The following NACC2 variants were observed in gnomAD, a reference collection of about 807,000 sequenced individuals.
NACC2 encodes the protein nucleus accumbens-associated protein 2.
In NACC2, 8 loss-of-function variants were observed where a neutral mutation model predicts 25.1. That is an observed-to-expected ratio of 0.32 (90% CI 0.19 to 0.57). NACC2 has a LOEUF of 0.57. Ranked by LOEUF, NACC2 falls within the 20% of genes least tolerant of loss-of-function variation. The pLI is 0.89. For synonymous variants in NACC2, 435 were observed against 294.7 expected (o/e 1.48, Z -4.88); for missense variants, 644 against 650.2 (o/e 0.99, Z 0.10).
At chr9:136,033,289 T>C (rs1840499757) in intron 2 of NACC2, among the ~76,000 whole-genome samples, 2 of 152,160 alleles carry the variant, frequency 1.3e-5, no homozygotes, top group African/African-American at 2.4e-5. Flanking sequence ...CCAATTTGTT[T>C]CTATATATTA....
At chr9:136,016,548 G>C in intron 2 of NACC2, 119 bp from the exon 3 acceptor site, 1 of 1,229,200 alleles carries the variant, frequency 8.1e-7, no homozygotes, top group Non-Finnish European at 1.1e-6. Context: ...GCCCACCTGG[G>C]CCCAGGTGAG....
Position 136,012,035 on chromosome 9 carries a change from G to GA in NACC2, c.1256-12_1256-11insT, listed in dbSNP as rs751891781. On this transcript the variant is annotated splice_polypyrimidine_tract_variant and intron_variant, in intron 5 of 5. Transcript: ENST00000277554. Reference sequence around the variant, plus strand: ...AGTTCTGACAGTACACTGTGAGGACGGGGCGGCGTGAGCTCAGCCACCTGC... The same window carrying GA: ...AGTTCTGACAGTACACTGTGAGGACGAGGGCGGCGTGAGCTCAGCCACCTGC... 1 of 1,527,068 alleles carries GA rather than the reference G, an allele frequency of 6.5e-7. No homozygotes were observed. Among genetic ancestry groups the GA allele is most frequent in the East Asian group, 2.4e-5 (1 of 41,034 alleles). The allele number at this position is 1,527,068 out of a possible 1,614,324, so 94.6% of individuals were successfully genotyped here. A position where few individuals can be genotyped will look rare whatever the true frequency, so the allele number is the denominator to read the frequency against.
intron 3 of NACC2, among the ~76,000 whole-genome samples, chr9:136,015,145 G>A (rs1008274411): frequency 1.3e-5 from 2 of 152,148 alleles, no homozygotes; most frequent in Admixed American, 6.5e-5. Context: ...ACTGAAGCAC[G>A]TCTCCAATCC....
intron 2 of NACC2, among the ~76,000 whole-genome samples, chr9:136,032,368 G>C (rs1306368248): frequency 1.3e-5 from 2 of 151,914 alleles, no homozygotes; most frequent in Non-Finnish European, 2.9e-5. Context: ...TTGTTACAAT[G>C]CAACACTTAC....
chr9:136,044,192 C>T (rs1222250997), intron 2 of NACC2, among the ~76,000 whole-genome samples: 1 of 152,106 alleles, frequency 6.6e-6, no homozygotes, highest in Non-Finnish European at 1.5e-5. Flanking sequence ...GGCCACACCA[C>T]AGATGCACCA....
intron 2 of NACC2, among the ~76,000 whole-genome samples, chr9:136,037,349 G>C (rs1275472429): frequency 6.8e-6 from 1 of 147,726 alleles, no homozygotes; most frequent in Non-Finnish European, 1.5e-5. Flanking sequence ...TCAGCCTCCC[G>C]AGTAGCTGGA....
At chr9:136,059,911 G>A (rs1840984272) in intron 1 of NACC2, among the ~76,000 whole-genome samples, 1 of 152,178 alleles carries the variant, frequency 6.6e-6, no homozygotes, top group South Asian at 2.1e-4. Context: ...GACCCACCCC[G>A]ATGTCCTGAC....
chr9:136,054,816 C>T (rs996504725), intron 1 of NACC2, among the ~76,000 whole-genome samples: 1 of 152,152 alleles, frequency 6.6e-6, no homozygotes. Context: ...AATCAGAGGT[C>T]GCCAACTTTG....
At chr9:136,079,661 G>A (rs1830300764) in intron 1 of NACC2, among the ~76,000 whole-genome samples, 1 of 152,202 alleles carries the variant, frequency 6.6e-6, no homozygotes, top group South Asian at 2.1e-4. Flanking sequence ...GCCCTGCCGT[G>A]GCCGGCACTC....
chr9:136,057,723 C>G (rs914999805), intron 1 of NACC2, among the ~76,000 whole-genome samples: 2 of 152,212 alleles, frequency 1.3e-5, no homozygotes, highest in African/African-American at 4.8e-5. Flanking sequence ...ATTGGGGCTG[C>G]CCAGGCGGAG....
chr9:136,041,043 G>A lies in NACC2; in HGVS notation c.886+8593C>T, dbSNP rs1588567403. 2.7e-3 allele frequency among the ~76,000 whole-genome samples: 386 copies of A among 143,942 alleles called. 6 individuals carry two copies. The South Asian group carries it at 0.044, about 16-fold the overall frequency. The allele number at this position is 143,942 out of a possible 152,430, so 94.4% of individuals were successfully genotyped here. A position where few individuals can be genotyped will look rare whatever the true frequency, so the allele number is the denominator to read the frequency against. ...AGGAAAGGAAAGAAGGAAAGAAAAG[G>A]AAGGAAGGAAGGAAGGAAAGGAAGG... On this transcript the variant is annotated intron_variant, in intron 2 of 5. Coordinates refer to ENST00000277554, the MANE Select transcript of NACC2 (RefSeq NM_144653.5).
At chr9:136,073,169 T>C (rs1475821118) in intron 1 of NACC2, among the ~76,000 whole-genome samples, 4 of 152,148 alleles carry the variant, frequency 2.6e-5, no homozygotes, top group Non-Finnish European at 4.4e-5. Context: ...GGCACGTGCT[T>C]GTAGTCTCAG....
intron 2 of NACC2, among the ~76,000 whole-genome samples, chr9:136,039,455 G>A (rs904135399): frequency 1.1e-4 from 16 of 151,978 alleles, no homozygotes; most frequent in Non-Finnish European, 1.5e-4. Flanking sequence ...TCAACTCTTC[G>A]AAAAAACAAA....
chr9:136,088,193 G>A (rs1588586086), intron 1 of NACC2, among the ~76,000 whole-genome samples: 2 of 152,302 alleles, frequency 1.3e-5, no homozygotes, highest in East Asian at 1.9e-4. Flanking sequence ...TGCTCTAAAC[G>A]TGCTCTGTCC....
intron 1 of NACC2, among the ~76,000 whole-genome samples, chr9:136,064,988 C>T (rs1048604401): frequency 1.3e-5 from 2 of 152,186 alleles, no homozygotes; most frequent in African/African-American, 2.4e-5. Context: ...GGTGCTGGGA[C>T]GACTGGATAG....
intron 1 of NACC2, among the ~76,000 whole-genome samples, chr9:136,061,341 G>A (rs990549746): frequency 1.3e-5 from 2 of 152,114 alleles, no homozygotes; most frequent in Non-Finnish European, 2.9e-5. Context: ...TCCGTTTCCC[G>A]GGCACTCACC....
In NACC2 at chr9:136,050,405, C is replaced by G; in HGVS notation, c.117G>C (p.Gln39His). 1 of 762,888 alleles carries G rather than the reference C, an allele frequency of 1.3e-6. No individual in the cohort carries two copies. Among genetic ancestry groups the G allele is most frequent in the African/African-American group, 1.7e-5 (1 of 59,088 alleles). The allele number at this position is 762,888 out of a possible 1,614,324, so 47.3% of individuals were successfully genotyped here. The change falls in exon 2 of 6, where the codon CAG becomes CAC. Residue 39 changes from glutamine (Q) to histidine (H), a missense_variant. By Grantham distance (24) the Gln-to-His change is conservative (BLOSUM62 0). Transcript: ENST00000277554. ...GCACCGCCCGGTGGGCCTTGAAGGC[C>G]TGGCCCTTGACCACGATGGACACAT... Reference protein sequence around the residue: ...YCDVSIVVKGQAFKAHRAVLA... With the variant: ...YCDVSIVVKGHAFKAHRAVLA...
rs557066812 is a variant in NACC2 at position 136,086,058 on chromosome 9, C to G, written c.-60+9131G>C. ...GGCAGAGCCCGGAGTCCGGGCGCCA[C>G]GCAGGGCAGCTCCGACGGGCAGGAG... On this transcript the variant is annotated intron_variant, in intron 1 of 5. Transcript: ENST00000277554. This position sits in a 1 kb window ranked among gnomAD's most constrained non-coding sequence, Gnocchi z 5.6. Among the ~76,000 whole-genome samples, 46 of 152,190 alleles carry G rather than the reference C, an allele frequency of 3.0e-4. No individual in the cohort carries two copies. In the East Asian group the frequency reaches 7.7e-3, roughly 26 times the overall value.
chr9:136,088,223 G>A (rs1181162688), intron 1 of NACC2, among the ~76,000 whole-genome samples: 4 of 152,178 alleles, frequency 2.6e-5, no homozygotes, highest in South Asian at 2.1e-4. Flanking sequence ...CCAGTGGGAC[G>A]GAGCCTCTGG....
Sources: gnomAD v4.1 joint callset for allele counts (sites outside exome capture counted in the v4.1 genomes callset) on GRCh38, gnomAD v4.1.1 for gene constraint, Gnocchi (gnomAD v3.1) non-coding constraint, MANE v1.5 for transcripts, NCBI Gene and HGNC (gene_info 2026-07-23, HGNC 2026-07-21) for gene names.